Variants in GLT8D2 observed in about 807,000 individuals in gnomAD.
GLT8D2 encodes the protein glycosyltransferase 8 domain containing 2.
Under a neutral mutation model 44.5 loss-of-function variants are expected in GLT8D2, and 45 were observed. The observed-to-expected ratio is 1.01, with a 90% CI of 0.80 to 1.30. GLT8D2 has a LOEUF of 1.30. Among genes scored for constraint, GLT8D2 ranks in the 50% most tolerant of loss-of-function variants. The pLI is 0.00. For synonymous variants in GLT8D2, 156 were observed against 157.2 expected (o/e 0.99, Z 0.06); for missense variants, 400 against 430.4 (o/e 0.93, Z 0.62).
chr12:104,027,591 G>A (rs980423982), intron 1 of GLT8D2, among the ~76,000 whole-genome samples: 5 of 152,224 alleles, frequency 3.3e-5, no homozygotes, highest in Non-Finnish European at 7.3e-5. Context: ...AATATGGGGA[G>A]CAGTTTGTAG....
chr12:103,993,358 G>C lies in GLT8D2; in HGVS notation c.880+34C>G, dbSNP rs370821737. 4.1e-6 allele frequency: 6 copies of C among 1,477,240 alleles called. No individual in the cohort carries two copies. The African/African-American group carries it at 8.3e-5, about 20-fold the overall frequency. 91.5% of individuals were successfully genotyped at this position (1,477,240 alleles called of 1,614,324 possible). A position where few individuals can be genotyped will look rare whatever the true frequency, so the allele number is the denominator to read the frequency against. On this transcript the variant is annotated intron_variant, in intron 10 of 10. Transcript: ENST00000360814. ...AAATACAAAAATAAAATGGACATTT[G>C]CGTTTTTCTAAACAGTTTTTCTGAA...
intron 4 of GLT8D2, among the ~76,000 whole-genome samples, chr12:104,013,992 C>T (rs909043567): frequency 1.3e-5 from 2 of 152,198 alleles, no homozygotes; most frequent in African/African-American, 4.8e-5. Context: ...GATCCTCCCG[C>T]CTCAGCCTCC....
chr12:104,051,569 T>C (rs186983084), upstream of GLT8D2, among the ~76,000 whole-genome samples: 194 of 152,312 alleles, frequency 1.3e-3, 2 homozygotes, highest in African/African-American at 4.4e-3. Flanking sequence ...ATATCTATAA[T>C]CTCAAATATT....
intron 1 of GLT8D2, among the ~76,000 whole-genome samples, chr12:104,055,396 C>T (rs990240394): frequency 3.3e-5 from 5 of 152,224 alleles, no homozygotes; most frequent in Admixed American, 2.0e-4. Flanking sequence ...GGGTCCCTGG[C>T]ACTCTGTCAT....
chr12:104,036,227 C>T (rs1252063072), intron 1 of GLT8D2, among the ~76,000 whole-genome samples: 5 of 152,242 alleles, frequency 3.3e-5, no homozygotes, highest in African/African-American at 4.8e-5. Context: ...TAAAGACCAT[C>T]GATGCTAGGA....
intron 1 of GLT8D2, chr12:104,031,557 A>C: frequency 6.3e-7 from 1 of 1,593,204 alleles, no homozygotes; most frequent in African/African-American, 1.4e-5. Context: ...CCGGCGGGGA[A>C]GATACTGTCC....
chr12:104,000,266 A>C (rs560560758), intron 5 of GLT8D2, among the ~76,000 whole-genome samples: 1 of 152,346 alleles, frequency 6.6e-6, no homozygotes, highest in South Asian at 2.1e-4. Context: ...AGATAGACTA[A>C]CAGCAAAATA....
intron 4 of GLT8D2, among the ~76,000 whole-genome samples, chr12:104,011,585 T>C (rs1252900812): frequency 1.3e-5 from 2 of 152,166 alleles, no homozygotes; most frequent in Non-Finnish European, 2.9e-5. Context: ...AGTGTCACAA[T>C]GGGGATATTA....
intron 5 of GLT8D2, among the ~76,000 whole-genome samples, chr12:104,002,660 GAGGCC>G (rs1874375295): frequency 6.6e-6 from 1 of 152,082 alleles, no homozygotes; most frequent in African/African-American, 2.4e-5. Flanking sequence ...TAAGAAAGTA[GAGGCC>G]AGGTGTGGTG....
At chr12:104,014,427 G>A in intron 4 of GLT8D2, 1 of 597,544 alleles carries the variant, frequency 1.7e-6, no homozygotes, top group South Asian at 2.0e-5. Context: ...GACTTTGTGT[G>A]TGCATTGGAG....
chr12:104,022,080 A>AAAG (rs1877971985), intron 1 of GLT8D2, among the ~76,000 whole-genome samples: 1 of 134,130 alleles, frequency 7.5e-6, no homozygotes, highest in African/African-American at 2.9e-5. Context: ...GAAAGAAAAA[A>AAAG]AAAGAAAGAA....
chr12:104,003,230 A>T lies in GLT8D2; in HGVS notation c.189T>A (p.Gly63=). ...TGCTATTGATGGCAGCCATAGTGGCACCCATCCTCCCTGCTGCAGCACAAA... is the reference window on the plus strand; with the variant it reads ...TGCTATTGATGGCAGCCATAGTGGCTCCCATCCTCCCTGCTGCAGCACAAA... The part of the protein sequence containing the change: ...VVICAAAGRM[G]ATMAAINSIY... The change falls in exon 5 of 11, where the codon GGT becomes GGA. Residue 63 remains glycine, a synonymous_variant. Coordinates refer to ENST00000360814, the MANE Select transcript of GLT8D2 (RefSeq NM_001384711.1). 6.2e-7 allele frequency: 1 copy of T among 1,613,866 alleles called. No homozygotes were observed. Among genetic ancestry groups the T allele is most frequent in the Non-Finnish European group, 8.5e-7 (1 of 1,179,784 alleles).
At chr12:104,012,691 G>A (rs368389573) in intron 4 of GLT8D2, 4 of 620,342 alleles carry the variant, frequency 6.4e-6, no homozygotes, top group East Asian at 5.7e-5. Flanking sequence ...GGACTGAATT[G>A]TGTCCTCCAG....
chr12:104,055,535 A>G (rs1406959219), intron 1 of GLT8D2, among the ~76,000 whole-genome samples: 3 of 152,228 alleles, frequency 2.0e-5, no homozygotes, highest in Non-Finnish European at 4.4e-5. Flanking sequence ...GGTTAGATTT[A>G]GTTACATGCC....
At chr12:104,017,420 TC>T (rs1317753055) in intron 3 of GLT8D2, among the ~76,000 whole-genome samples, 1 of 152,192 alleles carries the variant, frequency 6.6e-6, no homozygotes, top group Admixed American at 6.5e-5. Context: ...CCTCCTGGAT[TC>T]AAGCGATTCT....
chr12:104,024,904 C>G (rs1317049986), intron 1 of GLT8D2, among the ~76,000 whole-genome samples: 1 of 151,902 alleles, frequency 6.6e-6, no homozygotes, highest in Non-Finnish European at 1.5e-5. Context: ...AACCCTTTCT[C>G]TACTAAAACA....
At chr12:104,062,371 C>A (rs1237287075) in intron 1 of GLT8D2, among the ~76,000 whole-genome samples, 1 of 151,082 alleles carries the variant, frequency 6.6e-6, no homozygotes, top group South Asian at 2.1e-4. Context: ...CCGCACCCGT[C>A]CTGAGAATTC....
At chr12:104,045,807 A>G (rs1881016720) in intron 1 of GLT8D2, among the ~76,000 whole-genome samples, 1 of 151,538 alleles carries the variant, frequency 6.6e-6, no homozygotes, top group Non-Finnish European at 1.5e-5. Context: ...CTGATTGGCT[A>G]TGGTATGGGC....
intron 1 of GLT8D2, among the ~76,000 whole-genome samples, chr12:104,034,189 G>T (rs1448633165): frequency 2.6e-5 from 4 of 152,194 alleles, no homozygotes; most frequent in Non-Finnish European, 5.9e-5. Context: ...TGGCTGAATA[G>T]GAACAGCTCT....
Sources: gnomAD v4.1 joint callset for allele counts (sites outside exome capture counted in the v4.1 genomes callset) on GRCh38, gnomAD v4.1.1 for gene constraint, MANE v1.5 for transcripts, NCBI Gene and HGNC (gene_info 2026-07-23, HGNC 2026-07-21) for gene names.